The following TM9SF3 variants were observed in gnomAD, a reference collection of about 807,000 sequenced individuals.
TM9SF3 encodes transmembrane 9 superfamily member 3.
TM9SF3 carries 14 observed loss-of-function variants against 78.6 expected under a neutral mutation model. The observed-to-expected ratio is 0.18, with a 90% CI of 0.12 to 0.28. The LOEUF (loss-of-function observed/expected upper bound fraction) is 0.28. Ranked by LOEUF, TM9SF3 falls within the 10% of genes least tolerant of loss-of-function variation. TM9SF3 has a pLI of 1.00. For synonymous variants in TM9SF3, 231 were observed against 241.7 expected, an observed-to-expected ratio of 0.96 and a Z score of 0.41; for missense variants, 496 against 721.9, an observed-to-expected ratio of 0.69 and a Z score of 3.59.
At chr10:96,567,496 A>G (rs1413406360) in intron 2 of TM9SF3, among the ~76,000 whole-genome samples, 2 of 152,078 alleles carry the variant, frequency 1.3e-5, no homozygotes, top group Non-Finnish European at 1.5e-5. Flanking sequence ...ATTCCCACAC[A>G]CCCTGTGCTC....
At chr10:96,567,238 C>T (rs1277526107) in intron 2 of TM9SF3, among the ~76,000 whole-genome samples, 2 of 151,988 alleles carry the variant, frequency 1.3e-5, no homozygotes, top group Non-Finnish European at 2.9e-5. Context: ...GCATATGCCA[C>T]CAGGCCCGAC....
At position 96,535,218 on chromosome 10, in the gene TM9SF3, CA is replaced by C. The variant is rs554313183; in HGVS notation, c.1186-2029del. 3.3e-5 allele frequency among the ~76,000 whole-genome samples: 5 copies of C among 152,230 alleles called. No individual in the cohort carries two copies. The South Asian group carries it at 1.0e-3, about 32-fold the overall frequency. On this transcript the variant is annotated intron_variant, in intron 9 of 14. Transcript: ENST00000371142. ...TTTAATATATGATAAAAAATGTGAG[CA>C]GTTTGTTAGAAATAGTGATTAAGCT...
intron 1 of TM9SF3, among the ~76,000 whole-genome samples, chr10:96,586,339 T>C (rs1230717279): frequency 6.6e-6 from 1 of 152,138 alleles, no homozygotes; most frequent in Non-Finnish European, 1.5e-5. Flanking sequence ...CAGCCCTCAG[T>C]AGCCAGAAGG....
intron 14 of TM9SF3, among the ~76,000 whole-genome samples, chr10:96,524,584 T>C (rs536304798): frequency 6.6e-6 from 1 of 152,020 alleles, no homozygotes; most frequent in South Asian, 2.1e-4. Context: ...TACAAGGGCA[T>C]GACTTTATAA....
In TM9SF3 at chr10:96,551,364, A is replaced by G; in HGVS notation, c.840T>C (p.Asp280=). The G allele has an allele frequency of 6.2e-7, 1 of 1,612,490 alleles. No individual in the cohort carries two copies. Among genetic ancestry groups the G allele is most frequent in the Non-Finnish European group, 8.5e-7 (1 of 1,179,230 alleles). The change falls in exon 7 of 15, where the codon GAT becomes GAC. Residue 280 remains aspartate (D), a synonymous_variant. Coordinates refer to ENST00000371142, the MANE Select transcript of TM9SF3 (RefSeq NM_020123.4). ...GTGGGTGACTTGATGGTCTAAATAC[A>G]TCTCCATGCACCTGTTTCCATCCAT... The part of the protein sequence containing the change: ...DEYGWKQVHG[D]VFRPSSHPLI...
chr10:96,525,283 G>GT, intron 14 of TM9SF3, among the ~76,000 whole-genome samples: 1 of 152,142 alleles, frequency 6.6e-6, no homozygotes, highest in East Asian at 1.9e-4. Context: ...ACACAATGTA[G>GT]TTTTAACCTT....
At chr10:96,535,012 AT>A (rs1352390470) in intron 9 of TM9SF3, among the ~76,000 whole-genome samples, 4 of 152,218 alleles carry the variant, frequency 2.6e-5, no homozygotes, top group Non-Finnish European at 5.9e-5. Flanking sequence ...TTCACTAAAA[AT>A]TGTATAAGCA....
chr10:96,519,548 T>C lies in TM9SF3; in HGVS notation c.*2715A>G, dbSNP rs1847738238. 1.3e-5 allele frequency: 2 copies of C among 151,976 alleles called. No individual in the cohort carries two copies. The highest frequency in any genetic ancestry group is 4.8e-5 in the African/African-American group (2 of 41,430). The allele number at this position is 151,976 out of a possible 1,614,324, so 9.4% of individuals were successfully genotyped here. A position where few individuals can be genotyped will look rare whatever the true frequency, so the allele number is the denominator to read the frequency against. Reference sequence around the variant, plus strand: ...ATGTAGTTAAATTTCAGGAGAAGCATGCTTAAAGATACACAAGGAATGTTT... The same window carrying C: ...ATGTAGTTAAATTTCAGGAGAAGCACGCTTAAAGATACACAAGGAATGTTT... On this transcript the variant is annotated 3_prime_UTR_variant, in exon 15 of 15. Transcript: ENST00000371142.
intron 1 of TM9SF3, among the ~76,000 whole-genome samples, chr10:96,578,354 C>T (rs1848521543): frequency 6.6e-6 from 1 of 151,840 alleles, no homozygotes; most frequent in South Asian, 2.1e-4. Flanking sequence ...TGGAATCAGA[C>T]AAGTAAATGA....
intron 2 of TM9SF3, among the ~76,000 whole-genome samples, chr10:96,566,462 G>A (rs957542645): frequency 2.4e-4 from 36 of 152,138 alleles, no homozygotes; most frequent in Non-Finnish European, 1.5e-5. Flanking sequence ...AGAGAGAGTA[G>A]CTTCCCATAT....
chr10:96,527,219 T>C lies in TM9SF3; in HGVS notation c.1696A>G (p.Met566Val). The change falls in exon 14 of 15, where the codon ATG becomes GTG. Residue 566 changes from methionine to valine, a missense_variant. This residue lies in a region of TM9SF3 where 280 missense variants were observed against 422.6 expected (regional missense o/e 0.66). Coordinates refer to ENST00000371142, the MANE Select transcript of TM9SF3 (RefSeq NM_020123.4). ...MAVFSTALGI[M>V]CGAIGYMGTS... ...AAAGAATTTCAAAACTTACCACACA[T>C]TATCCCCAAGGCTGTGCTAAATACC... 1 of 1,608,168 alleles carries C rather than the reference T, an allele frequency of 6.2e-7. No individual in the cohort carries two copies. The highest frequency in any genetic ancestry group is 8.5e-7 in the Non-Finnish European group (1 of 1,177,222).
intron 2 of TM9SF3, among the ~76,000 whole-genome samples, chr10:96,569,955 T>C (rs1242673625): frequency 6.6e-6 from 1 of 152,044 alleles, no homozygotes; most frequent in African/African-American, 2.4e-5. Context: ...TCGCGTGAGG[T>C]TGCAGTGAGC....
In TM9SF3 at chr10:96,527,281, C is replaced by T; in HGVS notation, c.1634G>A (p.Gly545Asp). The T allele has an allele frequency of 6.2e-7, 1 of 1,611,164 alleles. No individual in the cohort carries two copies. Among genetic ancestry groups the T allele is most frequent in the Non-Finnish European group, 8.5e-7 (1 of 1,178,278 alleles). The change falls in exon 14 of 15, where the codon GGC (glycine) becomes GAC (aspartate). Residue 545 changes from glycine to aspartate, a missense_variant. By Grantham distance (94) the Gly-to-Asp change is moderately conservative. Coordinates refer to ENST00000371142, the MANE Select transcript of TM9SF3 (RefSeq NM_020123.4). The part of the protein sequence containing the change: ...YYYFFKTKMY[G>D]LFQTSFYFGY... ...AAAGTAAAATGATGTTTGAAATAAG[C>T]CATACATCCTGAAATAAAACAAAAT...
In TM9SF3 at chr10:96,565,538, C is replaced by T. The variant is rs539601599; in HGVS notation, c.299-112G>A. The T allele has an allele frequency of 1.9e-4, 231 of 1,226,900 alleles. 1 individual carries two copies. The East Asian group carries it at 6.0e-3, about 32-fold the overall frequency. 76.0% of individuals were successfully genotyped at this position (1,226,900 alleles called of 1,614,324 possible). On this transcript the variant is annotated intron_variant, in intron 2 of 14. Coordinates refer to ENST00000371142, the MANE Select transcript of TM9SF3 (RefSeq NM_020123.4). ...TTCCTACAGTTAAAATTTCTATTCA[C>T]AATAGCTGAATCTGAGTGATAAATA...
Position 96,551,389 on chromosome 10 carries a change from T to A in TM9SF3, c.815A>T (p.Tyr272Phe). The change falls in exon 7 of 15, where the codon TAT (tyrosine) becomes TTT (phenylalanine). Residue 272 changes from tyrosine (Y) to phenylalanine (F), a missense_variant. Physicochemically the swap from Tyr to Phe is conservative, Grantham distance 22 (BLOSUM62 3). This residue lies in a region of TM9SF3 where 280 missense variants were observed against 422.6 expected (regional missense o/e 0.66). Transcript: ENST00000371142. ...ATCTCCATGCACCTGTTTCCATCCA[T>A]ATTCATCTCCTAGGTCTCTATCCTA... Reference protein sequence around the residue: ...DDMDRDLGDEYGWKQVHGDVF... With the variant: ...DDMDRDLGDEFGWKQVHGDVF... The A allele has an allele frequency of 6.2e-7, 1 of 1,610,348 alleles. No homozygotes were observed. Among genetic ancestry groups the A allele is most frequent in the Non-Finnish European group, 8.5e-7 (1 of 1,178,454 alleles).
At chr10:96,579,375 C>A (rs1848534770) in intron 1 of TM9SF3, among the ~76,000 whole-genome samples, 1 of 152,076 alleles carries the variant, frequency 6.6e-6, no homozygotes, top group Non-Finnish European at 1.5e-5. Context: ...AAAATAAGCA[C>A]AAAAATACTT....
chr10:96,575,665 C>A (rs371323936), intron 2 of TM9SF3, among the ~76,000 whole-genome samples: 1 of 151,464 alleles, frequency 6.6e-6, no homozygotes, highest in African/African-American at 2.4e-5. Context: ...TACTATTCAT[C>A]TTACACATGG....
At position 96,522,266 on chromosome 10, in the gene TM9SF3, G is replaced by A. The variant is rs1180351247; in HGVS notation, c.1767C>T (p.Asp589=). The change falls in exon 15 of 15, where the codon GAC becomes GAT. Residue 589 remains aspartate, a synonymous_variant. Transcript: ENST00000371142. ...VRKIYTNVKI[D] ...AGTTCCAGGTTTTCTTGGGTCTCTA[G>A]TCAATTTTCACATTAGTATAGATTT... 6.3e-7 allele frequency: 1 copy of A among 1,599,022 alleles called. No individual in the cohort carries two copies. The highest frequency in any genetic ancestry group is 8.5e-7 in the Non-Finnish European group (1 of 1,174,084).
chr10:96,543,922 A>G (rs1379502520), intron 9 of TM9SF3, 154 bp downstream of exon 9: 2 of 648,568 alleles, frequency 3.1e-6, no homozygotes, highest in Non-Finnish European at 4.5e-6. Context: ...GGAGGCTAAC[A>G]ACAGTAGTAT....
Sources: allele counts gnomAD v4.1 joint callset (sites outside exome capture counted in the v4.1 genomes callset), GRCh38; gene constraint gnomAD v4.1.1; regional missense constraint gnomAD v4.1.1; transcripts MANE v1.5; gene names NCBI Gene and HGNC (gene_info 2026-07-23, HGNC 2026-07-21).